NAV2: variants seen among roughly 807,000 people sequenced by gnomAD.
NAV2 encodes the protein helicase, APC down-regulated 1.
NAV2 carries 54 observed loss-of-function variants against 223.2 expected under a neutral mutation model. The observed-to-expected ratio is 0.24, with a 90% CI of 0.19 to 0.30. The LOEUF (loss-of-function observed/expected upper bound fraction) is 0.30, where lower values mean the gene tolerates loss of function less well. Among genes scored for constraint, NAV2 ranks in the 10% least tolerant of loss-of-function variants. The pLI is 1.00. For missense variants in NAV2, 2,806 were observed against 3,147.5 expected, an observed-to-expected ratio of 0.89 and a Z score of 2.60; for synonymous variants, 1,279 against 1,239.3, an observed-to-expected ratio of 1.03 and a Z score of -0.67.
chr11:19,993,284 G>A (rs1354827472), intron 11 of NAV2, among the ~76,000 whole-genome samples: 1 of 152,150 alleles, frequency 6.6e-6, no homozygotes, highest in Non-Finnish European at 1.5e-5. Flanking sequence ...CTCACTCTGG[G>A]ATCCAGAGTT....
chr11:19,619,240 G>A (rs1445401383), intron 1 of NAV2, among the ~76,000 whole-genome samples: 1 of 130,858 alleles, frequency 7.6e-6, no homozygotes, highest in Non-Finnish European at 1.6e-5. Flanking sequence ...TGTCTGTATA[G>A]CAGCATGATT....
chr11:19,939,545 G>C, intron 7 of NAV2, 116 bp from the exon 8 acceptor site: 1 of 708,496 alleles, frequency 1.4e-6, no homozygotes, highest in Non-Finnish European at 2.5e-6. Flanking sequence ...GGTCCACTCT[G>C]TTCTGAAGCT....
chr11:20,029,658 G>T (rs2055504690), intron 11 of NAV2, among the ~76,000 whole-genome samples: 1 of 152,210 alleles, frequency 6.6e-6, no homozygotes, highest in African/African-American at 2.4e-5. Context: ...GGCACACAGG[G>T]GCAGTGGCTC....
chr11:20,060,631 C>T (rs138654065), intron 19 of NAV2, among the ~76,000 whole-genome samples: 1 of 152,280 alleles, frequency 6.6e-6, no homozygotes, highest in Non-Finnish European at 1.5e-5. Context: ...CCAAGAGTTA[C>T]GTGGGCTCAG....
At position 19,943,153 on chromosome 11, in the gene NAV2, T is replaced by C. The variant is rs375749592; in HGVS notation, c.2147-3248T>C. ...CTAGACTTAGCTTCATAATCAATAT[T>C]TTCTAAAGGGCCTAGAGCTAACCTA... On this transcript the variant is annotated intron_variant, in intron 8 of 37. Coordinates refer to ENST00000349880, the MANE Select transcript of NAV2 (RefSeq NM_145117.5). Among the ~76,000 whole-genome samples, 413 of 152,304 alleles carry C rather than the reference T, an allele frequency of 2.7e-3. 17 individuals carry two copies. The South Asian group carries it at 0.083, about 31-fold the overall frequency.
chr11:19,462,952 G>T (rs1252246914), intron 1 of NAV2, among the ~76,000 whole-genome samples: 2 of 152,138 alleles, frequency 1.3e-5, no homozygotes, highest in African/African-American at 4.8e-5. Context: ...GCACTTTCTG[G>T]GCTGAGGTAT....
chr11:19,802,518 TC>T (rs1373232145), intron 1 of NAV2, among the ~76,000 whole-genome samples: 1 of 152,178 alleles, frequency 6.6e-6, no homozygotes, highest in Non-Finnish European at 1.5e-5. Flanking sequence ...ATGTCCATGC[TC>T]TTAATTTTGG....
At position 19,803,514 on chromosome 11, in the gene NAV2, T is replaced by C. The variant is rs566056318; in HGVS notation, c.268-28970T>C. ...CCTGTCTGTGGCTTAGGCAAGTTAC[T>C]TACCTCTGTAGAGTGTCAGTGTCTT... On this transcript the variant is annotated intron_variant, in intron 1 of 37. Coordinates refer to ENST00000349880, the MANE Select transcript of NAV2 (RefSeq NM_145117.5). 2.0e-5 allele frequency among the ~76,000 whole-genome samples: 3 copies of C among 152,368 alleles called. No individual in the cohort carries two copies. In the East Asian group the frequency reaches 5.8e-4, roughly 29 times the overall value.
intron 1 of NAV2, among the ~76,000 whole-genome samples, chr11:19,437,017 G>C (rs1851241132): frequency 6.6e-6 from 1 of 152,140 alleles, no homozygotes; most frequent in African/African-American, 2.4e-5. Context: ...AGATCATGTA[G>C]TCAGCAGAGA....
At chr11:19,838,100 T>C (rs1033837019) in intron 2 of NAV2, among the ~76,000 whole-genome samples, 15 of 152,158 alleles carry the variant, frequency 9.9e-5, no homozygotes, top group African/African-American at 3.4e-4. Flanking sequence ...CTCTATACTA[T>C]TCCTGTGACT....
Position 19,948,875 on chromosome 11 carries a change from A to T in NAV2, c.2440A>T (p.Ile814Phe). ...YPPRANASRF[I>F]NTESGRYVYS... The stretch of plus-strand genomic sequence containing the variant: ...CCCTCGAGCCAACGCCAGCAGGTTC[A>T]TCAACACTGAGTCAGGTCGCTATGT... Residue 814 changes from isoleucine to phenylalanine, a missense_variant, in exon 10 of 38, where the codon ATC (isoleucine) becomes TTC (phenylalanine). By Grantham distance (21) the Ile-to-Phe change is conservative. Around this residue, in one of 4 missense-constraint regions of NAV2, gnomAD observed 1,167 missense variants for 1,180.5 expected, o/e 0.99. Transcript: ENST00000349880. The T allele has an allele frequency of 6.2e-7, 1 of 1,614,082 alleles. No individual in the cohort carries two copies. Among genetic ancestry groups the T allele is most frequent in the Non-Finnish European group, 8.5e-7 (1 of 1,180,014 alleles).
At chr11:19,429,645 C>T (rs1175244806) in intron 1 of NAV2, among the ~76,000 whole-genome samples, 2 of 152,226 alleles carry the variant, frequency 1.3e-5, no homozygotes, top group African/African-American at 2.4e-5. Context: ...GAAGGGAGCA[C>T]TGTTGGCTGG....
intron 1 of NAV2, among the ~76,000 whole-genome samples, chr11:19,669,743 CT>C (rs1304133233): frequency 1.4e-4 from 21 of 152,268 alleles, no homozygotes; most frequent in African/African-American, 5.1e-4. Flanking sequence ...ATCCAGTTCC[CT>C]TTCCTCTTAG....
rs550481651 is a variant in NAV2, at chr11:20,077,042, C to T, written c.4984-510C>T. On this transcript the variant is annotated intron_variant, in intron 22 of 37. Transcript: ENST00000349880. Reference sequence around the variant, plus strand: ...CCATTTTGTTTGTTCATTCTACTAACATGCTTAATATGAGCCTCTATTGTG... The same window carrying T: ...CCATTTTGTTTGTTCATTCTACTAATATGCTTAATATGAGCCTCTATTGTG... 8.5e-5 allele frequency among the ~76,000 whole-genome samples: 13 copies of T among 152,280 alleles called. No individual in the cohort carries two copies. In the South Asian group the frequency reaches 1.9e-3, roughly 22 times the overall value.
chr11:19,870,745 A>C (rs182489811), intron 4 of NAV2, among the ~76,000 whole-genome samples: 2 of 152,350 alleles, frequency 1.3e-5, no homozygotes, highest in Non-Finnish European at 2.9e-5. Context: ...TTTATAGATG[A>C]AGAAACTTTG....
chr11:19,653,473 A>G (rs1444940925), intron 1 of NAV2, among the ~76,000 whole-genome samples: 2 of 152,240 alleles, frequency 1.3e-5, no homozygotes, highest in African/African-American at 4.8e-5. Context: ...CTGTACCCAG[A>G]GAGTTGCTAA....
At chr11:19,968,513 C>T (rs553562614) in intron 10 of NAV2, among the ~76,000 whole-genome samples, 1 of 152,312 alleles carries the variant, frequency 6.6e-6, no homozygotes, top group African/African-American at 2.4e-5. Flanking sequence ...AGCCACTGTG[C>T]CCAGCCTTAA....
intron 1 of NAV2, among the ~76,000 whole-genome samples, chr11:19,562,205 A>G (rs1410638906): frequency 1.3e-5 from 2 of 152,244 alleles, no homozygotes; most frequent in East Asian, 3.9e-4. Context: ...GCCAAGTGTT[A>G]TCTATATTTT....
At chr11:20,002,510 A>T (rs922200818) in intron 11 of NAV2, among the ~76,000 whole-genome samples, 1 of 152,174 alleles carries the variant, frequency 6.6e-6, no homozygotes, top group African/African-American at 2.4e-5. Context: ...GGCTTCCTGG[A>T]GGTGGTAGGC....
Sources: allele counts gnomAD v4.1 joint callset (sites outside exome capture counted in the v4.1 genomes callset), GRCh38; gene constraint gnomAD v4.1.1; regional missense constraint gnomAD v4.1.1; transcripts MANE v1.5; gene names NCBI Gene and HGNC (gene_info 2026-07-23, HGNC 2026-07-21).